ABCD3: variants seen among roughly 807,000 people sequenced by gnomAD.
The protein encoded by ABCD3 is ATP-binding cassette sub-family D member 3.
In ABCD3, 41 loss-of-function variants were observed where a neutral mutation model predicts 105.5. That is an observed-to-expected ratio of 0.39 (90% confidence interval 0.30 to 0.50). The LOEUF (loss-of-function observed/expected upper bound fraction) is 0.50, where lower values mean the gene tolerates loss of function less well. Among genes scored for constraint, ABCD3 ranks in the 20% least tolerant of loss-of-function variants. The pLI is 0.84. For missense variants in ABCD3, 622 were observed against 806.3 expected (o/e 0.77, Z 2.77); for synonymous variants, 258 against 269.0 (o/e 0.96, Z 0.40).
chr1:94,454,363 G>T (rs1647436801), intron 1 of ABCD3, among the ~76,000 whole-genome samples: 1 of 152,096 alleles, frequency 6.6e-6, no homozygotes, highest in African/African-American at 2.4e-5. Context: ...CTGATTTAGG[G>T]CTTATGTTCA....
At chr1:94,510,612 T>G (rs1041064129) in intron 21 of ABCD3, among the ~76,000 whole-genome samples, 20 of 152,134 alleles carry the variant, frequency 1.3e-4, no homozygotes, top group Non-Finnish European at 4.4e-5. Context: ...CCATTATTAA[T>G]GTGTGGGAGT....
intron 1 of ABCD3, among the ~76,000 whole-genome samples, chr1:94,432,088 C>T (rs1473486611): frequency 6.6e-6 from 1 of 152,316 alleles, no homozygotes; most frequent in East Asian, 1.9e-4. Flanking sequence ...TCTTCCCCCA[C>T]TGGAGGAAAC....
chr1:94,481,254 T>C (rs2101007514), intron 9 of ABCD3, among the ~76,000 whole-genome samples: 1 of 152,362 alleles, frequency 6.6e-6, no homozygotes, highest in East Asian at 1.9e-4. Context: ...ATAAATGTTC[T>C]CATATATTGA....
intron 3 of ABCD3, among the ~76,000 whole-genome samples, chr1:94,465,188 A>T (rs1158604003): frequency 6.6e-6 from 1 of 152,170 alleles, no homozygotes; most frequent in African/African-American, 2.4e-5. Flanking sequence ...GCCATGAGGG[A>T]TCTGCCTCCA....
chr1:94,412,216 T>TA, the ABCD3 span, among the ~76,000 whole-genome samples: 1 of 152,126 alleles, frequency 6.6e-6, no homozygotes, highest in African/African-American at 2.4e-5. Flanking sequence ...GTTAAAAACT[T>TA]AAAAGGTACA....
intron 7 of ABCD3, among the ~76,000 whole-genome samples, chr1:94,476,808 T>C (rs1226468965): frequency 6.6e-6 from 1 of 152,144 alleles, no homozygotes; most frequent in Non-Finnish European, 1.5e-5. Context: ...ACTCGGGAAC[T>C]CTGACAACTA....
At chr1:94,493,066 C>T (rs1649610123) in intron 16 of ABCD3, among the ~76,000 whole-genome samples, 1 of 151,940 alleles carries the variant, frequency 6.6e-6, no homozygotes, top group Non-Finnish European at 1.5e-5. Context: ...ACACCAAAAG[C>T]AATGGCAACA....
chr1:94,491,047 A>G (rs1649511936), intron 15 of ABCD3, 137 bp from the exon 16 acceptor site: 2 of 640,816 alleles, frequency 3.1e-6, no homozygotes, highest in African/African-American at 1.9e-5. Context: ...CCTGTTGGCC[A>G]TCTGAATTTC....
intron 20 of ABCD3, among the ~76,000 whole-genome samples, chr1:94,505,871 T>C (rs905920390): frequency 1.3e-5 from 2 of 152,100 alleles, no homozygotes; most frequent in African/African-American, 4.8e-5. Flanking sequence ...CATGGAGATC[T>C]TGTCAGGGGG....
intron 20 of ABCD3, among the ~76,000 whole-genome samples, 169 bp from the exon 21 acceptor site, chr1:94,506,369 A>G (rs924753963): frequency 6.6e-5 from 10 of 152,176 alleles, no homozygotes; most frequent in Non-Finnish European, 1.3e-4. Context: ...CAGCAAAAAC[A>G]GTTATGTTTA....
the ABCD3 span, among the ~76,000 whole-genome samples, chr1:94,397,211 C>T: frequency 6.6e-6 from 1 of 152,154 alleles, no homozygotes; most frequent in Non-Finnish European, 1.5e-5. Flanking sequence ...CTAATGTTAC[C>T]ATTGTATCTA....
At chr1:94,496,895 G>A (rs1319950307) in intron 16 of ABCD3, among the ~76,000 whole-genome samples, 1 of 151,364 alleles carries the variant, frequency 6.6e-6, no homozygotes, top group Non-Finnish European at 1.5e-5. Context: ...AGCCTCCTGA[G>A]TAGCTGGGAT....
intron 1 of ABCD3, among the ~76,000 whole-genome samples, chr1:94,451,182 G>T (rs1399399857): frequency 6.6e-6 from 1 of 152,016 alleles, no homozygotes; most frequent in African/African-American, 2.4e-5. Context: ...TTGTGTGTGT[G>T]TTTAAAAAAA....
chr1:94,459,866 T>G (rs1344119697), intron 2 of ABCD3, among the ~76,000 whole-genome samples: 1 of 152,246 alleles, frequency 6.6e-6, no homozygotes, highest in Non-Finnish European at 1.5e-5. Context: ...ATATAATATG[T>G]GGCTTTTTAT....
At chr1:94,476,336 C>T (rs1648738770) in intron 7 of ABCD3, among the ~76,000 whole-genome samples, 1 of 152,174 alleles carries the variant, frequency 6.6e-6, no homozygotes, top group African/African-American at 2.4e-5. Flanking sequence ...TCTCACCACC[C>T]TTACAGCTTT....
At chr1:94,405,863 T>C in the ABCD3 span, among the ~76,000 whole-genome samples, 1 of 152,200 alleles carries the variant, frequency 6.6e-6, no homozygotes, top group African/African-American at 2.4e-5. Context: ...TGCAAATGTT[T>C]TCTTCTAGTT....
chr1:94,463,602 G>C (rs1444049874), intron 2 of ABCD3, among the ~76,000 whole-genome samples: 1 of 152,142 alleles, frequency 6.6e-6, no homozygotes, highest in East Asian at 1.9e-4. Context: ...TCAGGGAATT[G>C]GGGTTTTTCT....
At chr1:94,489,880 T>G in intron 14 of ABCD3, 23 bp from the exon 15 acceptor site, 2 of 1,612,396 alleles carry the variant, frequency 1.2e-6, no homozygotes, top group South Asian at 2.2e-5. Context: ...ATATGATGCT[T>G]TAATACCTAT....
chr1:94,502,665 T>G (rs1320692112), intron 20 of ABCD3, among the ~76,000 whole-genome samples: 2 of 151,888 alleles, frequency 1.3e-5, no homozygotes, highest in African/African-American at 4.8e-5. Context: ...CCTGGCTAAT[T>G]TTTGTATTTT....
Sources: gnomAD v4.1 joint callset for allele counts (sites outside exome capture counted in the v4.1 genomes callset) on GRCh38, gnomAD v4.1.1 for gene constraint, MANE v1.5 for transcripts, NCBI Gene and HGNC (gene_info 2026-07-23, HGNC 2026-07-21) for gene names.